Variants in PDE1A observed in about 807,000 individuals in gnomAD.
The protein encoded by PDE1A is phosphodiesterase 1A.
PDE1A carries 35 observed loss-of-function variants against 61.7 expected under a neutral mutation model. That is an observed-to-expected ratio of 0.57 (90% confidence interval 0.43 to 0.75). The LOEUF (loss-of-function observed/expected upper bound fraction) is 0.75. PDE1A is among the 30% of genes least tolerant of loss of function. The pLI is 0.00. For synonymous variants in PDE1A, 232 were observed against 213.2 expected (o/e 1.09, Z -0.77); for missense variants, 597 against 630.6 (o/e 0.95, Z 0.57).
the PDE1A span, among the ~76,000 whole-genome samples, chr2:182,682,599 G>A: frequency 6.6e-6 from 1 of 152,160 alleles, no homozygotes; most frequent in Non-Finnish European, 1.5e-5. Flanking sequence ...TAGTTTCTAT[G>A]TTTAATCAAA....
chr2:182,349,841 G>T (rs570497103), intron 1 of PDE1A, among the ~76,000 whole-genome samples: 4 of 152,228 alleles, frequency 2.6e-5, no homozygotes, highest in Admixed American at 2.6e-4. Context: ...TAAGCCTCTG[G>T]AGGGTAACAG....
intron 2 of PDE1A, among the ~76,000 whole-genome samples, chr2:182,508,679 G>C (rs1414671664): frequency 1.3e-5 from 2 of 149,016 alleles, no homozygotes; most frequent in South Asian, 2.1e-4. Flanking sequence ...TAAACACCAA[G>C]ATTCAGAAGT....
At chr2:182,715,825 T>C in the PDE1A span, among the ~76,000 whole-genome samples, 3 of 152,330 alleles carry the variant, frequency 2.0e-5, no homozygotes, top group East Asian at 5.8e-4. Flanking sequence ...TCAGTGTCGC[T>C]TCAGGCAACT....
chr2:182,326,752 A>G (rs1435474906), intron 1 of PDE1A, among the ~76,000 whole-genome samples: 3 of 152,162 alleles, frequency 2.0e-5, no homozygotes, highest in Admixed American at 1.3e-4. Context: ...CTTAAAGACT[A>G]TCCCTGCAGT....
At chr2:182,676,339 A>T in the PDE1A span, among the ~76,000 whole-genome samples, 68,503 of 151,670 alleles carry the variant, frequency 0.45, 16,378 homozygotes, top group East Asian at 0.54. Context: ...TTCTGGACAC[A>T]TACACCCTCC....
intron 8 of PDE1A, among the ~76,000 whole-genome samples, chr2:182,204,013 A>C (rs969381526): frequency 1.3e-5 from 2 of 152,186 alleles, no homozygotes; most frequent in African/African-American, 4.8e-5. Flanking sequence ...AGACAATTAC[A>C]GCAATAAACT....
At chr2:182,386,531 G>A (rs1267012334) in intron 1 of PDE1A, among the ~76,000 whole-genome samples, 1 of 148,268 alleles carries the variant, frequency 6.7e-6, no homozygotes, top group African/African-American at 2.5e-5. Context: ...TCTCTGCCCG[G>A]CCGCTCCGTC....
intron 6 of PDE1A, among the ~76,000 whole-genome samples, chr2:182,227,561 A>G (rs918743491): frequency 6.6e-6 from 1 of 152,094 alleles, no homozygotes; most frequent in Non-Finnish European, 1.5e-5. Flanking sequence ...CAATTAATTA[A>G]TTAAGGTATG....
At chr2:182,688,834 A>C in the PDE1A span, among the ~76,000 whole-genome samples, 1 of 152,326 alleles carries the variant, frequency 6.6e-6, no homozygotes, top group Non-Finnish European at 1.5e-5. Flanking sequence ...ATGGAGGAAG[A>C]TCTACCAAGC....
chr2:182,462,303 A>AT (rs1247723287), intron 2 of PDE1A, among the ~76,000 whole-genome samples: 2 of 151,780 alleles, frequency 1.3e-5, no homozygotes, highest in Non-Finnish European at 2.9e-5. Context: ...TTAAAGTATA[A>AT]TAAAAAAAAG....
At chr2:182,538,423 G>A in the PDE1A span, among the ~76,000 whole-genome samples, 1 of 152,158 alleles carries the variant, frequency 6.6e-6, no homozygotes, top group Non-Finnish European at 1.5e-5. Flanking sequence ...TAGATATTAT[G>A]AGAAGGAAGA....
At chr2:182,373,301 T>C (rs1409110148) in intron 1 of PDE1A, among the ~76,000 whole-genome samples, 15 of 152,092 alleles carry the variant, frequency 9.9e-5, no homozygotes, top group Admixed American at 9.8e-4. Context: ...AACTTTCAAC[T>C]TCAATAAAAT....
chr2:182,269,255 G>A (rs957354349), intron 1 of PDE1A, among the ~76,000 whole-genome samples: 51 of 152,020 alleles, frequency 3.4e-4, no homozygotes, highest in African/African-American at 1.4e-4. Context: ...TTGGGAGGCC[G>A]AAGCGGGTGG....
intron 1 of PDE1A, among the ~76,000 whole-genome samples, chr2:182,279,893 T>C (rs543167343): frequency 4.6e-5 from 7 of 151,886 alleles, no homozygotes; most frequent in Non-Finnish European, 1.0e-4. Context: ...TTTAAAATGG[T>C]ATGCTTATTC....
upstream of PDE1A, chr2:182,522,901 C>T (rs960154700): frequency 2.6e-5 from 4 of 153,004 alleles, no homozygotes; most frequent in African/African-American, 9.7e-5. Context: ...AAAAAAGTGC[C>T]TGTTTAAATG....
intron 2 of PDE1A, among the ~76,000 whole-genome samples, chr2:182,479,821 T>C (rs967875833): frequency 1.3e-5 from 2 of 151,872 alleles, no homozygotes; most frequent in African/African-American, 4.8e-5. Flanking sequence ...TATTTTATTA[T>C]CAAAGGTCCT....
the PDE1A span, among the ~76,000 whole-genome samples, chr2:182,654,870 C>T: frequency 6.6e-6 from 1 of 152,122 alleles, no homozygotes. Flanking sequence ...CTCTAATGGG[C>T]TTTCCATGTC....
chr2:182,330,878 A>G (rs983373321), intron 1 of PDE1A, among the ~76,000 whole-genome samples: 6 of 151,948 alleles, frequency 3.9e-5, no homozygotes, highest in Non-Finnish European at 7.4e-5. Flanking sequence ...TCATTTCTGA[A>G]TATTTCTTCC....
At chr2:182,520,086 A>T (rs1344455222) in intron 2 of PDE1A, among the ~76,000 whole-genome samples, 1 of 151,934 alleles carries the variant, frequency 6.6e-6, no homozygotes, top group Non-Finnish European at 1.5e-5. Context: ...CAATTTTGAT[A>T]AGCTAAAATT....
Sources: allele counts gnomAD v4.1 joint callset (sites outside exome capture counted in the v4.1 genomes callset), GRCh38; gene constraint gnomAD v4.1.1; transcripts MANE v1.5; gene names NCBI Gene and HGNC (gene_info 2026-07-23, HGNC 2026-07-21).